FAF1: variants seen among roughly 807,000 people sequenced by gnomAD.
FAF1 encodes the protein Fas associated factor 1, also known as FAS-associated factor 1.
In FAF1, 25 loss-of-function variants were observed where a neutral mutation model predicts 92.5. The ratio of observed to expected loss-of-function variants is 0.27; its 90% CI spans 0.20 to 0.38. The LOEUF (loss-of-function observed/expected upper bound fraction) is 0.38. Among genes scored for constraint, FAF1 ranks in the 10% least tolerant of loss-of-function variants. The pLI is 1.00. For synonymous variants in FAF1, 234 were observed against 273.2 expected (o/e 0.86, Z 1.42); for missense variants, 636 against 793.3 (o/e 0.80, Z 2.38).
At chr1:50,676,331 C>T (rs1656117111) in intron 7 of FAF1, among the ~76,000 whole-genome samples, 1 of 151,492 alleles carries the variant, frequency 6.6e-6, no homozygotes. Flanking sequence ...TGCTTGAACC[C>T]AGGAGGTGGA....
chr1:50,629,983 G>C (rs992635860), intron 8 of FAF1, among the ~76,000 whole-genome samples: 2 of 152,048 alleles, frequency 1.3e-5, no homozygotes, highest in Non-Finnish European at 2.9e-5. Flanking sequence ...GCTTGAACCT[G>C]GGAGGCGGAG....
intron 1 of FAF1, among the ~76,000 whole-genome samples, chr1:50,901,480 GAGCCCAGGAGTTTGAGATC>G (rs1187835830): frequency 2.0e-5 from 3 of 152,030 alleles, no homozygotes; most frequent in Non-Finnish European, 4.4e-5. Flanking sequence ...AAGATTGCTT[GAGCCCAGGAGTTTGAGATC>G]AGCCTGGGCA....
chr1:50,811,669 A>G (rs1280844533), intron 2 of FAF1, among the ~76,000 whole-genome samples: 1 of 152,234 alleles, frequency 6.6e-6, no homozygotes, highest in Non-Finnish European at 1.5e-5. Flanking sequence ...TATTCGTATC[A>G]AACTACCAAG....
chr1:50,867,373 G>C (rs1400500893), intron 1 of FAF1, among the ~76,000 whole-genome samples: 2 of 152,082 alleles, frequency 1.3e-5, no homozygotes, highest in African/African-American at 2.4e-5. Flanking sequence ...CACAGGAAAA[G>C]AAACAATCAG....
chr1:50,780,615 A>G lies in FAF1; in HGVS notation c.367+7385T>C, dbSNP rs1661138974. On this transcript the variant is annotated intron_variant, in intron 4 of 18. Transcript: ENST00000396153. ...TTACAGAATGTCAGTGTAACTGCAC[A>G]TCCTCTTCCAGCCTGTCTCTAGCCA... 3 of 202,386 alleles carry G rather than the reference A, an allele frequency of 1.5e-5. No individual in the cohort carries two copies. In the South Asian group the frequency reaches 2.6e-4, roughly 18 times the overall value. The allele number at this position is 202,386 out of a possible 1,614,324, so 12.5% of individuals were successfully genotyped here.
At chr1:50,597,765 A>G (rs1651901444) in intron 8 of FAF1, among the ~76,000 whole-genome samples, 1 of 152,192 alleles carries the variant, frequency 6.6e-6, no homozygotes, top group African/African-American at 2.4e-5. Flanking sequence ...TAAGGATGGT[A>G]AATCATTTTT....
At chr1:50,855,766 T>A (rs1306584051) in intron 2 of FAF1, among the ~76,000 whole-genome samples, 1 of 151,864 alleles carries the variant, frequency 6.6e-6, no homozygotes, top group Admixed American at 6.6e-5. Flanking sequence ...TAAAAGTGAA[T>A]TATTTGTGAA....
chr1:50,803,221 G>A lies in FAF1; in HGVS notation c.115-1544C>T, dbSNP rs74539268. On this transcript the variant is annotated intron_variant, in intron 2 of 18. Coordinates refer to ENST00000396153, the MANE Select transcript of FAF1 (RefSeq NM_007051.3). Reference sequence around the variant, plus strand: ...CATGTATCTCCTTTACTAAGTAACAGTAAATGGTTAAGAGAATGCTCTGTG... The same window carrying A: ...CATGTATCTCCTTTACTAAGTAACAATAAATGGTTAAGAGAATGCTCTGTG... Among the ~76,000 whole-genome samples, 504 of 152,262 alleles carry A rather than the reference G, an allele frequency of 3.3e-3. 2 individuals are homozygous for A. The highest frequency in any genetic ancestry group is 0.011 in the African/African-American group (462 of 41,562).
At chr1:50,940,107 T>G (rs1312259862) in intron 1 of FAF1, among the ~76,000 whole-genome samples, 1 of 152,068 alleles carries the variant, frequency 6.6e-6, no homozygotes, top group Non-Finnish European at 1.5e-5. Flanking sequence ...AGATGGAGTT[T>G]TACCATGTTG....
At chr1:50,474,073 G>A (rs1427003977) in intron 18 of FAF1, among the ~76,000 whole-genome samples, 1 of 152,136 alleles carries the variant, frequency 6.6e-6, no homozygotes, top group Non-Finnish European at 1.5e-5. Context: ...CCAATGATAG[G>A]AAAATTAACA....
chr1:50,799,458 C>T (rs902325513), intron 3 of FAF1, among the ~76,000 whole-genome samples: 1 of 151,910 alleles, frequency 6.6e-6, no homozygotes, highest in African/African-American at 2.4e-5. Context: ...ACACAAAAAC[C>T]TGATTTCAAG....
chr1:50,498,849 CAAA>C (rs552247958), intron 15 of FAF1, among the ~76,000 whole-genome samples: 3 of 83,282 alleles, frequency 3.6e-5, no homozygotes, highest in Admixed American at 1.4e-4. Flanking sequence ...ACCTCTGTCT[CAAA>C]AAAAAAAAAA....
chr1:50,627,667 T>C (rs1653568203), intron 8 of FAF1, among the ~76,000 whole-genome samples: 1 of 152,122 alleles, frequency 6.6e-6, no homozygotes, highest in Non-Finnish European at 1.5e-5. Context: ...AACTAATCTA[T>C]GGTCTTATCT....
chr1:50,683,372 C>T (rs1200417933), intron 7 of FAF1, among the ~76,000 whole-genome samples: 1 of 151,774 alleles, frequency 6.6e-6, no homozygotes, highest in African/African-American at 2.4e-5. Context: ...ACTAAAAATA[C>T]AAAAATTAGC....
At chr1:50,680,472 C>T (rs1458712125) in intron 7 of FAF1, among the ~76,000 whole-genome samples, 1 of 152,100 alleles carries the variant, frequency 6.6e-6, no homozygotes, top group Non-Finnish European at 1.5e-5. Context: ...CACCTGAGGT[C>T]AGGAGTTTGA....
intron 6 of FAF1, among the ~76,000 whole-genome samples, chr1:50,736,286 A>G (rs575561045): frequency 3.0e-4 from 45 of 152,354 alleles, no homozygotes; most frequent in Admixed American, 5.2e-4. Flanking sequence ...TACAAATTAC[A>G]AATAAGATTT....
At chr1:50,460,784 C>G (rs1344663682) in intron 18 of FAF1, among the ~76,000 whole-genome samples, 4 of 147,512 alleles carry the variant, frequency 2.7e-5, no homozygotes, top group African/African-American at 1.0e-4. Context: ...GGATGCACCA[C>G]CATGCCCAGC....
intron 8 of FAF1, among the ~76,000 whole-genome samples, chr1:50,649,115 G>C (rs1654740321): frequency 6.6e-6 from 1 of 151,620 alleles, no homozygotes; most frequent in South Asian, 2.1e-4. Flanking sequence ...GTGGGGTGGG[G>C]AGAGGGCTGT....
chr1:50,492,565 G>C (rs543918885), intron 15 of FAF1, among the ~76,000 whole-genome samples: 1 of 152,226 alleles, frequency 6.6e-6, no homozygotes, highest in Admixed American at 6.5e-5. Flanking sequence ...CAGAAGTATA[G>C]CCAATATACA....
Sources: allele counts gnomAD v4.1 joint callset (sites outside exome capture counted in the v4.1 genomes callset), GRCh38; gene constraint gnomAD v4.1.1; transcripts MANE v1.5; gene names NCBI Gene and HGNC (gene_info 2026-07-23, HGNC 2026-07-21).